The following CALM2 variants were observed in gnomAD, a reference collection of about 807,000 sequenced individuals.
CALM2 encodes the protein calmodulin 2.
CALM2 carries 2 observed loss-of-function variants against 19.8 expected under a neutral mutation model. The ratio of observed to expected loss-of-function variants is 0.10; its 90% confidence interval spans 0.04 to 0.32. The LOEUF (loss-of-function observed/expected upper bound fraction) is 0.32, where lower values mean the gene tolerates loss of function less well. CALM2 is among the 10% of genes least tolerant of loss of function. The pLI, the probability that CALM2 is intolerant of heterozygous loss-of-function variation, is 1.00. For missense variants in CALM2, 38 were observed against 178.7 expected, an observed-to-expected ratio of 0.21 and a Z score of 4.49; for synonymous variants, 51 against 52.1, an observed-to-expected ratio of 0.98 and a Z score of 0.09.
chr2:47,176,041 G>C (rs891134237), intron 1 of CALM2, among the ~76,000 whole-genome samples: 5 of 152,154 alleles, frequency 3.3e-5, no homozygotes, highest in African/African-American at 9.6e-5. Flanking sequence ...CCGTCGGTCG[G>C]GTGGATTGAA....
chr2:47,175,153 T>A (rs1200746544), intron 1 of CALM2, among the ~76,000 whole-genome samples: 1 of 149,780 alleles, frequency 6.7e-6, no homozygotes, highest in African/African-American at 2.5e-5. Context: ...TTTTAAAAAT[T>A]CCCTGCTCCT....
chr2:47,175,262 G>A (rs978158492), intron 1 of CALM2, among the ~76,000 whole-genome samples: 4 of 152,066 alleles, frequency 2.6e-5, no homozygotes, highest in African/African-American at 7.2e-5. Context: ...CGGAATTTAG[G>A]GGTCGTTTTC....
At chr2:47,165,743 T>C (rs1253906871) in intron 2 of CALM2, among the ~76,000 whole-genome samples, 1 of 152,196 alleles carries the variant, frequency 6.6e-6, no homozygotes, top group East Asian at 1.9e-4. Context: ...TTTCTGGCTG[T>C]CTACAGGATA....
upstream of CALM2, chr2:47,176,676 G>C: frequency 7.0e-7 from 1 of 1,429,644 alleles, no homozygotes; most frequent in Non-Finnish European, 9.2e-7. Flanking sequence ...TGAGGCAAGA[G>C]ATCAAGGAAA....
Position 47,165,600 on chromosome 2 carries a change from G to A in CALM2, c.35-2938C>T, listed in dbSNP as rs1666440029. On this transcript the variant is annotated intron_variant, in intron 2 of 5. Coordinates refer to ENST00000272298, the MANE Select transcript of CALM2 (RefSeq NM_001743.6). Reference sequence around the variant, plus strand: ...TTCCTCCTACCATATACTGCCAAAGGCTCTTACTCCTGTCTCTTATGTCTA... The same window carrying A: ...TTCCTCCTACCATATACTGCCAAAGACTCTTACTCCTGTCTCTTATGTCTA... 3.9e-5 allele frequency among the ~76,000 whole-genome samples: 6 copies of A among 152,146 alleles called. 1 individual carries two copies. In the South Asian group the frequency reaches 1.2e-3, roughly 32 times the overall value.
chr2:47,162,465 C>CAT, intron 3 of CALM2, 54 bp downstream of exon 3: 2 of 1,611,308 alleles, frequency 1.2e-6, no homozygotes. Context: ...TTAGTGGAAA[C>CAT]ATCTAAGTAT....
chr2:47,161,598 G>C (rs942178620), intron 5 of CALM2, 125 bp downstream of exon 5: 1 of 781,618 alleles, frequency 1.3e-6, no homozygotes, highest in East Asian at 2.7e-5. Flanking sequence ...AAGGTTAAAT[G>C]TAAGTAACTG....
At position 47,162,640 on chromosome 2, in the gene CALM2, T is replaced by C. The variant is rs754538204; in HGVS notation, c.57A>G (p.Leu19=). The change falls in exon 3 of 6, where the codon CTA becomes CTG. Residue 19 remains leucine, a synonymous_variant. Coordinates refer to ENST00000272298, the MANE Select transcript of CALM2 (RefSeq NM_001743.6). The stretch of plus-strand genomic sequence containing the variant: ...TAGTTCCATCACCATCTTTGTCAAA[T>C]AGTGAAAAAGCTTCTTTGAATTCTG... ...QIAEFKEAFS[L]FDKDGDGTIT... The C allele has an allele frequency of 6.9e-6, 11 of 1,603,062 alleles. No homozygotes were observed. Among genetic ancestry groups the C allele is most frequent in the Non-Finnish European group, 9.4e-6 (11 of 1,175,054 alleles).
chr2:47,168,844 C>T (rs920639606), intron 2 of CALM2, among the ~76,000 whole-genome samples: 13 of 151,688 alleles, frequency 8.6e-5, no homozygotes, highest in African/African-American at 2.9e-4. Context: ...GTGGCATGAT[C>T]TTGCCTCACT....
chr2:47,167,688 C>T (rs1666521762), intron 2 of CALM2: 1 of 45,418 alleles, frequency 2.2e-5, no homozygotes, highest in South Asian at 1.2e-3. Context: ...AGTGAAGCTC[C>T]GTCTCAAAAA....
At chr2:47,164,229 C>T (rs1294429436) in intron 2 of CALM2, among the ~76,000 whole-genome samples, 8 of 135,852 alleles carry the variant, frequency 5.9e-5, no homozygotes, top group Non-Finnish European at 1.3e-4. Flanking sequence ...CAGAGCGAGA[C>T]TCCGTCTCAA....
chr2:47,165,413 C>A (rs1666431172), intron 2 of CALM2, among the ~76,000 whole-genome samples: 1 of 152,076 alleles, frequency 6.6e-6, no homozygotes, highest in African/African-American at 2.4e-5. Flanking sequence ...CCTGGTCACC[C>A]CCCATAAAAA....
intron 5 of CALM2, 67 bp downstream of exon 5, chr2:47,161,656 C>G: frequency 6.8e-7 from 1 of 1,466,346 alleles, no homozygotes; most frequent in Non-Finnish European, 9.3e-7. Flanking sequence ...TCGATCAGTT[C>G]CCTAACAAAG....
rs757523692 is a variant in CALM2 at position 47,162,593 on chromosome 2, G to A, written c.104C>T (p.Thr35Ile). The A allele has an allele frequency of 1.1e-5, 18 of 1,613,134 alleles. No homozygotes were observed. Among genetic ancestry groups the A allele is most frequent in the Non-Finnish European group, 2.5e-6 (3 of 1,179,328 alleles). The change falls in exon 3 of 6, where the codon ACT becomes ATT. Residue 35 changes from threonine (T) to isoleucine (I), a missense_variant. Thr to Ile is a moderately conservative substitution (Grantham distance 89). Coordinates refer to ENST00000272298, the MANE Select transcript of CALM2 (RefSeq NM_001743.6). ...ATTCTGCCCAAGAGATCTCATTACAGTTCCCAATTCCTTTGTTGTTATAGT... is the reference window on the plus strand; with the variant it reads ...ATTCTGCCCAAGAGATCTCATTACAATTCCCAATTCCTTTGTTGTTATAGT... ...DGTITTKELGTVMRSLGQNPT... is the reference protein window; with the variant it reads ...DGTITTKELGIVMRSLGQNPT...
At chr2:47,171,677 C>A (rs1465518633) in intron 1 of CALM2, 1 of 152,076 alleles carries the variant, frequency 6.6e-6, no homozygotes, top group African/African-American at 2.4e-5. Context: ...TATATACATC[C>A]ATGAAGCAAC....
chr2:47,164,755 T>C (rs1002117263), intron 2 of CALM2, among the ~76,000 whole-genome samples: 3 of 152,238 alleles, frequency 2.0e-5, no homozygotes, highest in African/African-American at 7.2e-5. Flanking sequence ...TCCAAGTTCA[T>C]TGGGCCATTA....
At chr2:47,164,971 T>C (rs1472620810) in intron 2 of CALM2, among the ~76,000 whole-genome samples, 2 of 152,228 alleles carry the variant, frequency 1.3e-5, no homozygotes, top group East Asian at 1.9e-4. Context: ...CACATAAATA[T>C]CTTCACATCG....
At position 47,160,219 on chromosome 2, in the gene CALM2, T is replaced by C. The variant is rs1447177159; in HGVS notation, c.*557A>G. On this transcript the variant is annotated 3_prime_UTR_variant, in exon 6 of 6. Coordinates refer to ENST00000272298, the MANE Select transcript of CALM2 (RefSeq NM_001743.6). ...ACAAATATACAACTTGGAATGGATT[T>C]TGAGGCAAATTGTGCCATAAGCAGA... 1 of 152,686 alleles carries C rather than the reference T, an allele frequency of 6.5e-6. No individual in the cohort carries two copies. 9.5% of individuals were successfully genotyped at this position (152,686 alleles called of 1,614,324 possible).
chr2:47,175,941 C>T (rs1482377801), intron 1 of CALM2, among the ~76,000 whole-genome samples: 1 of 150,976 alleles, frequency 6.6e-6, no homozygotes. Context: ...GCGACGCCGA[C>T]GCTCGCCCCA....
Sources: allele counts gnomAD v4.1 joint callset (sites outside exome capture counted in the v4.1 genomes callset), GRCh38; gene constraint gnomAD v4.1.1; transcripts MANE v1.5; gene names NCBI Gene and HGNC (gene_info 2026-07-23, HGNC 2026-07-21).